The following SGCZ variants were observed in gnomAD, a reference collection of about 807,000 sequenced individuals.
The protein encoded by SGCZ is sarcoglycan zeta, also known as zeta-sarcoglycan.
Under a neutral mutation model 41.3 loss-of-function variants are expected in SGCZ, and 40 were observed. That is an observed-to-expected ratio of 0.97 (90% CI 0.75 to 1.26). SGCZ has a LOEUF of 1.26. Ranked by LOEUF, SGCZ falls within the 50% of genes most tolerant of loss-of-function variation. The probability of loss-of-function intolerance (pLI) is 0.00; values close to 1 mark genes in which losing one functional copy is unlikely to be tolerated. For missense variants in SGCZ, 552 were observed against 369.8 expected, an observed-to-expected ratio of 1.49 and a Z score of -4.04; for synonymous variants, 206 against 137.5, an observed-to-expected ratio of 1.50 and a Z score of -3.49.
rs146176401 is a variant in SGCZ at position 14,198,919 on chromosome 8, C to A, written c.425-34217G>T. Among the ~76,000 whole-genome samples the A allele has an allele frequency of 4.0e-3, 611 of 152,270 alleles. 4 individuals are homozygous for A. Among genetic ancestry groups the A allele is most frequent in the African/African-American group, 0.014 (579 of 41,554 alleles). The stretch of plus-strand genomic sequence containing the variant: ...GCTGTCTTTACTTTAATCTCTTAAT[C>A]CTGTCATCTTCGTAAGCTGAGGATG... On this transcript the variant is annotated intron_variant, in intron 4 of 7. Coordinates refer to ENST00000382080, the MANE Select transcript of SGCZ (RefSeq NM_139167.4).
chr8:14,511,240 G>T (rs1174223655), intron 2 of SGCZ, among the ~76,000 whole-genome samples: 3 of 151,572 alleles, frequency 2.0e-5, no homozygotes, highest in African/African-American at 7.3e-5. Flanking sequence ...GGGAAAGCCT[G>T]TGATATATAT....
intron 2 of SGCZ, among the ~76,000 whole-genome samples, chr8:14,381,623 T>A (rs1347791867): frequency 6.7e-6 from 1 of 148,934 alleles, no homozygotes; most frequent in African/African-American, 2.5e-5. Context: ...AAAAAAAAAA[T>A]GAAAAATTGG....
chr8:14,567,330 A>G (rs891650732), intron 1 of SGCZ, among the ~76,000 whole-genome samples: 3 of 152,090 alleles, frequency 2.0e-5, no homozygotes, highest in African/African-American at 7.2e-5. Flanking sequence ...GAGAATCTTT[A>G]TGTCTAGCTA....
chr8:15,059,123 G>A (rs925728667), intron 1 of SGCZ, among the ~76,000 whole-genome samples: 2 of 151,902 alleles, frequency 1.3e-5, no homozygotes, highest in Non-Finnish European at 2.9e-5. Flanking sequence ...TTTCCTGTTT[G>A]ACAGCATGAT....
At chr8:14,930,805 A>C (rs1293297267) in intron 1 of SGCZ, among the ~76,000 whole-genome samples, 1 of 151,886 alleles carries the variant, frequency 6.6e-6, no homozygotes. Context: ...CAGGGAGGGG[A>C]ACATCACACA....
chr8:14,271,746 C>T (rs1276919188), intron 3 of SGCZ, among the ~76,000 whole-genome samples: 1 of 152,156 alleles, frequency 6.6e-6, no homozygotes, highest in African/African-American at 2.4e-5. Context: ...TCCTTGTCCG[C>T]TTCTAAAACC....
At chr8:15,141,682 T>C (rs931314834) in intron 1 of SGCZ, among the ~76,000 whole-genome samples, 5 of 152,086 alleles carry the variant, frequency 3.3e-5, no homozygotes, top group Non-Finnish European at 7.4e-5. Flanking sequence ...GGCGGGAGGA[T>C]CACGAGGTCA....
Position 14,215,762 on chromosome 8 carries a change from T to C in SGCZ, c.424+21830A>G, listed in dbSNP as rs182215211. On this transcript the variant is annotated intron_variant, in intron 4 of 7. Coordinates refer to ENST00000382080, the MANE Select transcript of SGCZ (RefSeq NM_139167.4). ...AAATAAAACAACTCAAAAGACTACATATTACCAAAAGCAAAATAAGATAAA... is the reference window on the plus strand; with the variant it reads ...AAATAAAACAACTCAAAAGACTACACATTACCAAAAGCAAAATAAGATAAA... 2.0e-5 allele frequency among the ~76,000 whole-genome samples: 3 copies of C among 152,276 alleles called. No homozygotes were observed. In the East Asian group the frequency reaches 5.8e-4, roughly 29 times the overall value.
Position 14,330,949 on chromosome 8 carries a change from C to T in SGCZ, c.235-6745G>A, listed in dbSNP as rs529405756. On this transcript the variant is annotated intron_variant, in intron 2 of 7. Coordinates refer to ENST00000382080, the MANE Select transcript of SGCZ (RefSeq NM_139167.4). ...AGAAGCAAATATACATTTTAGACAT[C>T]TTTTCTGGATAAAACCAAAAATCCC... Among the ~76,000 whole-genome samples, 237 of 152,056 alleles carry T rather than the reference C, an allele frequency of 1.6e-3. 2 individuals carry two copies. The highest frequency in any genetic ancestry group is 5.0e-3 in the African/African-American group (209 of 41,550).
At chr8:14,755,864 TA>T (rs988721353) in intron 1 of SGCZ, among the ~76,000 whole-genome samples, 184 of 149,216 alleles carry the variant, frequency 1.2e-3, no homozygotes, top group African/African-American at 4.2e-3. Context: ...AACAAGAAAC[TA>T]AAAAAAAAGT....
At chr8:15,208,469 C>A (rs1801138743) in intron 1 of SGCZ, among the ~76,000 whole-genome samples, 1 of 152,140 alleles carries the variant, frequency 6.6e-6, no homozygotes, top group African/African-American at 2.4e-5. Context: ...TTGTCAGAAA[C>A]TCAAAATGTA....
At chr8:15,005,513 T>C (rs959124159) in intron 1 of SGCZ, among the ~76,000 whole-genome samples, 1 of 151,972 alleles carries the variant, frequency 6.6e-6, no homozygotes, top group African/African-American at 2.4e-5. Context: ...GTATTTTCAG[T>C]AGAGATGGTG....
At chr8:14,446,932 C>G (rs1440744751) in intron 2 of SGCZ, among the ~76,000 whole-genome samples, 13 of 152,118 alleles carry the variant, frequency 8.5e-5, no homozygotes, top group Admixed American at 8.5e-4. Context: ...TAATTCAACA[C>G]TAGTTTCAAT....
intron 1 of SGCZ, among the ~76,000 whole-genome samples, chr8:15,107,219 G>T (rs187961984): frequency 6.6e-6 from 1 of 152,088 alleles, no homozygotes; most frequent in Non-Finnish European, 1.5e-5. Context: ...CAATATTTTA[G>T]AACTCTTTTG....
At chr8:15,226,762 AC>A (rs1801787394) in intron 1 of SGCZ, among the ~76,000 whole-genome samples, 1 of 152,234 alleles carries the variant, frequency 6.6e-6, no homozygotes, top group African/African-American at 2.4e-5. Context: ...TGCAAGAAAT[AC>A]ATACATATGT....
At chr8:14,297,731 C>A (rs1167496206) in intron 3 of SGCZ, among the ~76,000 whole-genome samples, 1 of 151,982 alleles carries the variant, frequency 6.6e-6, no homozygotes, top group Non-Finnish European at 1.5e-5. Context: ...TATATCTGAT[C>A]CATTTAAACG....
chr8:15,215,284 C>A (rs1406146812), intron 1 of SGCZ, among the ~76,000 whole-genome samples: 1 of 152,096 alleles, frequency 6.6e-6, no homozygotes, highest in Non-Finnish European at 1.5e-5. Context: ...TAAAGTAGTT[C>A]TAGTAGGGTG....
chr8:14,396,829 TAA>T (rs1798933304), intron 2 of SGCZ, among the ~76,000 whole-genome samples: 1 of 152,130 alleles, frequency 6.6e-6, no homozygotes. Context: ...GTCACAACCC[TAA>T]GGCACATCTC....
chr8:14,463,865 T>A (rs1800972692), intron 2 of SGCZ, among the ~76,000 whole-genome samples: 1 of 149,594 alleles, frequency 6.7e-6, no homozygotes, highest in Non-Finnish European at 1.5e-5. Flanking sequence ...TGTTTCTGCA[T>A]CAGTTGAGAT....
Sources: allele counts gnomAD v4.1 joint callset (sites outside exome capture counted in the v4.1 genomes callset), GRCh38; gene constraint gnomAD v4.1.1; transcripts MANE v1.5; gene names NCBI Gene and HGNC (gene_info 2026-07-23, HGNC 2026-07-21).